GPC6: variants seen among roughly 807,000 people sequenced by gnomAD.
GPC6 encodes glypican-6.
A neutral mutation model predicts 55.2 loss-of-function variants in GPC6; 14 were observed. The ratio of observed to expected loss-of-function variants is 0.25; its 90% confidence interval spans 0.17 to 0.40. GPC6 has a LOEUF of 0.40. Ranked by LOEUF, GPC6 falls within the 10% of genes least tolerant of loss-of-function variation. GPC6 has a pLI of 1.00. For synonymous variants in GPC6, 278 were observed against 259.6 expected, an observed-to-expected ratio of 1.07 and a Z score of -0.68; for missense variants, 641 against 708.5, an observed-to-expected ratio of 0.90 and a Z score of 1.08.
chr13:94,345,202 C>G (rs1037721639), intron 6 of GPC6, among the ~76,000 whole-genome samples: 1 of 152,110 alleles, frequency 6.6e-6, no homozygotes, highest in Non-Finnish European at 1.5e-5. Flanking sequence ...ATTTGTCAGA[C>G]TATAATGTCT....
At chr13:94,395,898 CCT>C in intron 7 of GPC6, among the ~76,000 whole-genome samples, 1 of 152,282 alleles carries the variant, frequency 6.6e-6, no homozygotes, top group South Asian at 2.1e-4. Flanking sequence ...CCTCCAGGAC[CCT>C]CTACAAGCTA....
chr13:93,320,457 A>C (rs1372636654), intron 1 of GPC6, among the ~76,000 whole-genome samples: 3 of 151,974 alleles, frequency 2.0e-5, no homozygotes, highest in Non-Finnish European at 4.4e-5. Flanking sequence ...TTAGTAAACT[A>C]TTGGAATCAG....
chr13:93,697,565 C>A (rs1057187977), intron 2 of GPC6, among the ~76,000 whole-genome samples: 8 of 152,146 alleles, frequency 5.3e-5, no homozygotes, highest in African/African-American at 1.7e-4. Context: ...TAGAGCAATA[C>A]CTGCCACAAA....
chr13:93,348,977 T>A (rs983161526), intron 1 of GPC6, among the ~76,000 whole-genome samples: 12 of 152,220 alleles, frequency 7.9e-5, no homozygotes, highest in African/African-American at 2.9e-4. Flanking sequence ...TGCTTAGAGA[T>A]GCTTCCAGTC....
At chr13:94,091,369 C>A (rs1885474040) in intron 4 of GPC6, among the ~76,000 whole-genome samples, 1 of 151,952 alleles carries the variant, frequency 6.6e-6, no homozygotes, top group Non-Finnish European at 1.5e-5. Flanking sequence ...TGAGAGGATT[C>A]TGATCTTGTT....
chr13:93,426,775 A>G (rs2139268067), intron 1 of GPC6, among the ~76,000 whole-genome samples: 1 of 152,136 alleles, frequency 6.6e-6, no homozygotes, highest in South Asian at 2.1e-4. Flanking sequence ...GCTGAGTCAA[A>G]TGGTATTTCT....
At chr13:93,433,917 T>C (rs1877466966) in intron 1 of GPC6, among the ~76,000 whole-genome samples, 1 of 152,192 alleles carries the variant, frequency 6.6e-6, no homozygotes, top group East Asian at 1.9e-4. Flanking sequence ...ACTGATGCAG[T>C]GAGTTCACGC....
At chr13:93,663,429 C>T (rs1368017567) in intron 2 of GPC6, among the ~76,000 whole-genome samples, 1 of 152,140 alleles carries the variant, frequency 6.6e-6, no homozygotes, top group African/African-American at 2.4e-5. Flanking sequence ...GATGCTGAGA[C>T]AGATTATTAA....
At chr13:93,791,771 G>A (rs1039022561) in intron 2 of GPC6, among the ~76,000 whole-genome samples, 1 of 152,108 alleles carries the variant, frequency 6.6e-6, no homozygotes, top group African/African-American at 2.4e-5. Context: ...TATTCCTGGG[G>A]CATTACGTTT....
intron 4 of GPC6, among the ~76,000 whole-genome samples, chr13:94,109,213 G>GAGT (rs1403162536): frequency 2.0e-5 from 3 of 152,214 alleles, no homozygotes; most frequent in Admixed American, 2.0e-4. Flanking sequence ...TGTCATGAAT[G>GAGT]AGTGCCCAGT....
intron 2 of GPC6, among the ~76,000 whole-genome samples, chr13:93,608,999 C>T (rs1878355200): frequency 6.6e-6 from 1 of 152,136 alleles, no homozygotes; most frequent in Non-Finnish European, 1.5e-5. Context: ...TTGGTAAAGG[C>T]TGACACATAA....
intron 6 of GPC6, among the ~76,000 whole-genome samples, chr13:94,358,653 TC>T (rs1878914887): frequency 6.6e-6 from 1 of 152,188 alleles, no homozygotes; most frequent in South Asian, 2.1e-4. Context: ...AGTGCGAATC[TC>T]CAGACTGCAG....
intron 4 of GPC6, among the ~76,000 whole-genome samples, chr13:94,231,832 C>T (rs988518559): frequency 3.3e-5 from 5 of 150,840 alleles, no homozygotes; most frequent in African/African-American, 7.3e-5. Flanking sequence ...AATGAAAACA[C>T]AAAAAAAATG....
At chr13:93,374,827 G>A (rs1182781350) in intron 1 of GPC6, among the ~76,000 whole-genome samples, 1 of 152,140 alleles carries the variant, frequency 6.6e-6, no homozygotes, top group Admixed American at 6.5e-5. Context: ...ATATGAAGCT[G>A]AAGATAAAGA....
chr13:93,308,785 G>T (rs748470909), intron 1 of GPC6, among the ~76,000 whole-genome samples: 12 of 152,196 alleles, frequency 7.9e-5, no homozygotes, highest in Non-Finnish European at 1.3e-4. Context: ...CACATAATAG[G>T]ACTGCATTTA....
At chr13:93,619,312 T>A (rs974906308) in intron 2 of GPC6, among the ~76,000 whole-genome samples, 10 of 152,154 alleles carry the variant, frequency 6.6e-5, no homozygotes. Flanking sequence ...TTTATTTTTG[T>A]CTTTCATGTT....
intron 1 of GPC6, among the ~76,000 whole-genome samples, chr13:93,512,180 C>G (rs563972549): frequency 3.9e-5 from 6 of 152,086 alleles, no homozygotes; most frequent in African/African-American, 1.4e-4. Context: ...TTATTTCTTT[C>G]TGATTGCTCT....
intron 3 of GPC6, among the ~76,000 whole-genome samples, chr13:93,992,992 C>A (rs941325529): frequency 8.2e-6 from 1 of 122,616 alleles, no homozygotes; most frequent in Non-Finnish European, 1.9e-5. Context: ...ATGATCACAT[C>A]TGATTTCTTT....
At chr13:93,494,759 A>G (rs886213655) in intron 1 of GPC6, among the ~76,000 whole-genome samples, 4 of 150,282 alleles carry the variant, frequency 2.7e-5, no homozygotes, top group African/African-American at 9.8e-5. Flanking sequence ...TGTGTAAAGT[A>G]TTTTATTTCT....
Sources: gnomAD v4.1 joint callset for allele counts (sites outside exome capture counted in the v4.1 genomes callset) on GRCh38, gnomAD v4.1.1 for gene constraint, MANE v1.5 for transcripts, NCBI Gene and HGNC (gene_info 2026-07-23, HGNC 2026-07-21) for gene names.